The following DGKG variants were observed in gnomAD, a reference collection of about 807,000 sequenced individuals.
DGKG encodes the protein DAG kinase gamma.
In DGKG, 78 loss-of-function variants were observed where a neutral mutation model predicts 105.3. That is an observed-to-expected ratio of 0.74 (90% CI 0.62 to 0.89). DGKG has a LOEUF of 0.89. DGKG is among the 40% of genes least tolerant of loss of function. The pLI is 0.00. For synonymous variants in DGKG, 346 were observed against 367.1 expected (o/e 0.94, Z 0.66); for missense variants, 958 against 1,020.1 (o/e 0.94, Z 0.83).
chr3:186,159,175 C>T (rs1560075173), intron 24 of DGKG: 1 of 151,326 alleles, frequency 6.6e-6, no homozygotes, highest in Non-Finnish European at 1.5e-5. Context: ...ATTCAACTTG[C>T]TTCAAAAAAT....
intron 3 of DGKG, among the ~76,000 whole-genome samples, chr3:186,306,242 G>A (rs1724232344): frequency 6.6e-6 from 1 of 152,190 alleles, no homozygotes; most frequent in Non-Finnish European, 1.5e-5. Context: ...TAAAACACAG[G>A]AGGGAAATGA....
At chr3:186,224,869 A>G (rs1369063890) in intron 20 of DGKG, among the ~76,000 whole-genome samples, 2 of 152,122 alleles carry the variant, frequency 1.3e-5, no homozygotes, top group Admixed American at 6.5e-5. Flanking sequence ...GTTGAACCTC[A>G]TGGTAAGTCT....
At chr3:186,296,359 C>T (rs927736602) in intron 5 of DGKG, among the ~76,000 whole-genome samples, 1 of 152,238 alleles carries the variant, frequency 6.6e-6, no homozygotes, top group Non-Finnish European at 1.5e-5. Context: ...ACCCAGGCAT[C>T]CTGGCTCCTT....
chr3:186,360,703 C>T (rs1264730402), intron 1 of DGKG, among the ~76,000 whole-genome samples: 1 of 152,128 alleles, frequency 6.6e-6, no homozygotes, highest in East Asian at 1.9e-4. Flanking sequence ...AGTGGCTCTG[C>T]CAGCTGTATT....
chr3:186,251,502 A>T (rs1250707935), intron 19 of DGKG, among the ~76,000 whole-genome samples: 4 of 152,014 alleles, frequency 2.6e-5, no homozygotes, highest in Non-Finnish European at 5.9e-5. Context: ...TCTTTTGAAA[A>T]TTTTTCTGTC....
chr3:186,255,331 A>T (rs1578733033), intron 17 of DGKG, among the ~76,000 whole-genome samples: 2 of 152,344 alleles, frequency 1.3e-5, no homozygotes, highest in African/African-American at 4.8e-5. Flanking sequence ...ACAGATAATA[A>T]TGAGGAATCC....
chr3:186,238,337 A>G (rs1387771615), intron 20 of DGKG, among the ~76,000 whole-genome samples: 4 of 151,912 alleles, frequency 2.6e-5, no homozygotes, highest in Non-Finnish European at 1.5e-5. Flanking sequence ...TCCCCCAAAA[A>G]GAAAACAATC....
At chr3:186,247,529 A>G (rs1366030913) in intron 19 of DGKG, among the ~76,000 whole-genome samples, 1 of 152,362 alleles carries the variant, frequency 6.6e-6, no homozygotes, top group East Asian at 1.9e-4. Context: ...CTCGGTTTAC[A>G]TACCTACTTC....
intron 10 of DGKG, among the ~76,000 whole-genome samples, chr3:186,273,341 C>T (rs1489752078): frequency 1.4e-5 from 2 of 142,860 alleles, no homozygotes; most frequent in African/African-American, 5.1e-5. Flanking sequence ...TGGGTTTGAA[C>T]TGGCGCTGGG....
intron 1 of DGKG, among the ~76,000 whole-genome samples, chr3:186,328,519 T>C (rs943795574): frequency 3.9e-5 from 6 of 151,998 alleles, no homozygotes; most frequent in African/African-American, 1.5e-4. Flanking sequence ...ATCATTATCA[T>C]GGTTGTTCCA....
chr3:186,198,918 G>A (rs1409926125), intron 21 of DGKG, among the ~76,000 whole-genome samples: 1 of 152,112 alleles, frequency 6.6e-6, no homozygotes, highest in East Asian at 1.9e-4. Context: ...GTGATGTATT[G>A]AGTGGCGACA....
At chr3:186,337,295 A>G (rs1164215577) in intron 1 of DGKG, among the ~76,000 whole-genome samples, 2 of 152,196 alleles carry the variant, frequency 1.3e-5, no homozygotes, top group African/African-American at 2.4e-5. Context: ...GACTGGGTCA[A>G]TGTTATAAAA....
Position 186,231,410 on chromosome 3 carries a change from C to A in DGKG, c.1826+11094G>T, listed in dbSNP as rs1720145629. The stretch of plus-strand genomic sequence containing the variant: ...TGTGGTCTTGAGCAAGTTGCATCAT[C>A]TCTATGAGCCTCACTTTTCTCATCT... On this transcript the variant is annotated intron_variant, in intron 20 of 24. Coordinates refer to ENST00000265022, the MANE Select transcript of DGKG (RefSeq NM_001346.3). This position sits in a 1 kb window ranked among gnomAD's most constrained non-coding sequence, Gnocchi z 4.5. Among the ~76,000 whole-genome samples the A allele has an allele frequency of 6.6e-6, 1 of 152,126 alleles. No homozygotes were observed. The highest frequency in any genetic ancestry group is 1.5e-5 in the Non-Finnish European group (1 of 68,036).
chr3:186,318,349 A>G (rs1724914356), intron 2 of DGKG, among the ~76,000 whole-genome samples: 2 of 152,056 alleles, frequency 1.3e-5, no homozygotes, highest in Non-Finnish European at 2.9e-5. Context: ...CACCATCTCA[A>G]AATCAACATT....
At chr3:186,305,827 T>G (rs1724210124) in intron 3 of DGKG, among the ~76,000 whole-genome samples, 1 of 152,174 alleles carries the variant, frequency 6.6e-6, no homozygotes, top group Non-Finnish European at 1.5e-5. Context: ...CTGCATAGTT[T>G]CAGGTTGAAT....
intron 2 of DGKG, among the ~76,000 whole-genome samples, chr3:186,318,917 C>T (rs1724947148): frequency 6.6e-6 from 1 of 152,164 alleles, no homozygotes; most frequent in Non-Finnish European, 1.5e-5. Flanking sequence ...TTAGTTTATC[C>T]AGCTGTACCA....
chr3:186,284,382 G>T lies in DGKG; in HGVS notation c.594+278C>A, dbSNP rs914106760. On this transcript the variant is annotated intron_variant, in intron 7 of 24. Transcript: ENST00000265022. The surrounding 1 kb of genome is among the most constrained non-coding windows in gnomAD (Gnocchi z 4.0). ...CAGGAGGCGCTTGTGAACTGAATGG[G>T]AAGTTAAACTAGGTGACATGCTAAA... Among the ~76,000 whole-genome samples the T allele has an allele frequency of 3.3e-5, 5 of 152,164 alleles. No homozygotes were observed. Among genetic ancestry groups the T allele is most frequent in the Non-Finnish European group, 7.4e-5 (5 of 68,026 alleles).
At chr3:186,299,608 G>A (rs116095383) in intron 3 of DGKG, among the ~76,000 whole-genome samples, 2,363 of 151,950 alleles carry the variant, frequency 0.016, 70 homozygotes, top group African/African-American at 0.054. Context: ...TTCTGTCCCC[G>A]AGTCTCTGTG....
rs1718570282 is a variant in DGKG, at chr3:186,203,377, G to T, written c.1917+8418C>A. Among the ~76,000 whole-genome samples the T allele has an allele frequency of 6.6e-6, 1 of 152,208 alleles. No homozygotes were observed. Among genetic ancestry groups the T allele is most frequent in the African/African-American group, 2.4e-5 (1 of 41,458 alleles). Reference sequence around the variant, plus strand: ...CAATGTTGTAGCAGTGCTGATTCCTGGTTGGTGGGATTGGGGGTTATTTTC... The same window carrying T: ...CAATGTTGTAGCAGTGCTGATTCCTTGTTGGTGGGATTGGGGGTTATTTTC... On this transcript the variant is annotated intron_variant, in intron 21 of 24. Coordinates refer to ENST00000265022, the MANE Select transcript of DGKG (RefSeq NM_001346.3). This position sits in a 1 kb window ranked among gnomAD's most constrained non-coding sequence, Gnocchi z 4.9.
Sources: allele counts gnomAD v4.1 joint callset (sites outside exome capture counted in the v4.1 genomes callset), GRCh38; gene constraint gnomAD v4.1.1; non-coding constraint Gnocchi (gnomAD v3.1); transcripts MANE v1.5; gene names NCBI Gene and HGNC (gene_info 2026-07-23, HGNC 2026-07-21).